CRB1: variants seen among roughly 807,000 people sequenced by gnomAD.
CRB1 encodes the protein crumbs cell polarity complex component 1.
Under a neutral mutation model 120.0 loss-of-function variants are expected in CRB1, and 83 were observed. That is an observed-to-expected ratio of 0.69 (90% CI 0.58 to 0.83). The LOEUF (loss-of-function observed/expected upper bound fraction) is 0.83. Ranked by LOEUF, CRB1 falls within the 40% of genes least tolerant of loss-of-function variation. The pLI is 0.00. For missense variants in CRB1, 1,699 were observed against 1,687.6 expected (o/e 1.01, Z -0.12); for synonymous variants, 625 against 612.5 (o/e 1.02, Z -0.30).
At chr1:197,244,520 A>G in the CRB1 span, among the ~76,000 whole-genome samples, 7 of 152,022 alleles carry the variant, frequency 4.6e-5, no homozygotes, top group African/African-American at 1.7e-4. Context: ...CTGATGAGAA[A>G]TTCTCTGTCA....
At chr1:197,339,348 T>A (rs1373347694) in intron 2 of CRB1, among the ~76,000 whole-genome samples, 1 of 152,196 alleles carries the variant, frequency 6.6e-6, no homozygotes, top group Non-Finnish European at 1.5e-5. Flanking sequence ...AATGCTACAG[T>A]TCCACATTGC....
the CRB1 span, among the ~76,000 whole-genome samples, chr1:197,203,950 C>T: frequency 6.6e-6 from 1 of 152,040 alleles, no homozygotes; most frequent in Non-Finnish European, 1.5e-5. Flanking sequence ...CACCCCCCTC[C>T]CACCCTTTCC....
chr1:197,321,314 G>T (rs1658182765), intron 1 of CRB1, among the ~76,000 whole-genome samples: 1 of 152,230 alleles, frequency 6.6e-6, no homozygotes, highest in South Asian at 2.1e-4. Flanking sequence ...TAGTTGTTGT[G>T]CTCATTGCCA....
chr1:197,477,629 T>C, intron 11 of CRB1, 35 bp from the exon 12 acceptor site: 5 of 1,594,138 alleles, frequency 3.1e-6, no homozygotes, highest in Non-Finnish European at 4.3e-6. Flanking sequence ...GCCTTTGCTA[T>C]AGAATTCGCA....
At chr1:197,215,275 ATTTTT>A in the CRB1 span, among the ~76,000 whole-genome samples, 2 of 131,056 alleles carry the variant, frequency 1.5e-5, no homozygotes, top group Non-Finnish European at 1.6e-5. Flanking sequence ...CCAGTGGGAG[ATTTTT>A]TTTTTTTTTT....
At chr1:197,203,794 C>A in the CRB1 span, among the ~76,000 whole-genome samples, 1 of 152,124 alleles carries the variant, frequency 6.6e-6, no homozygotes, top group South Asian at 2.1e-4. Context: ...GGATTAATTA[C>A]TTTTGACTTT....
At chr1:197,256,946 TG>T in the CRB1 span, among the ~76,000 whole-genome samples, 1 of 151,484 alleles carries the variant, frequency 6.6e-6, no homozygotes, top group South Asian at 2.1e-4. Flanking sequence ...TGTGTGTGTG[TG>T]TGTGTGTGTG....
the CRB1 span, among the ~76,000 whole-genome samples, chr1:197,231,296 C>A: frequency 6.6e-6 from 1 of 152,116 alleles, no homozygotes; most frequent in Non-Finnish European, 1.5e-5. Flanking sequence ...GGACTACCCC[C>A]CTCATCATCT....
chr1:197,406,438 C>A (rs1016487922), intron 5 of CRB1, among the ~76,000 whole-genome samples: 1 of 152,172 alleles, frequency 6.6e-6, no homozygotes, highest in Non-Finnish European at 1.5e-5. Context: ...ACAGACACTG[C>A]GGAGGGCCGC....
intron 11 of CRB1, among the ~76,000 whole-genome samples, chr1:197,458,835 C>G (rs1365851411): frequency 6.6e-6 from 1 of 152,084 alleles, no homozygotes; most frequent in Admixed American, 6.6e-5. Context: ...AAAGAAACTA[C>G]AAAACATCCT....
At chr1:197,405,714 C>T (rs1480434613) in intron 5 of CRB1, among the ~76,000 whole-genome samples, 1 of 151,834 alleles carries the variant, frequency 6.6e-6, no homozygotes, top group Non-Finnish European at 1.5e-5. Flanking sequence ...TGAGGAGCGT[C>T]TCTGCCCAGC....
intron 2 of CRB1, among the ~76,000 whole-genome samples, chr1:197,338,119 A>G (rs1429935874): frequency 1.3e-5 from 2 of 152,084 alleles, no homozygotes; most frequent in Non-Finnish European, 2.9e-5. Flanking sequence ...TTTTTCAAAC[A>G]TAGCATCTTG....
chr1:197,448,965 T>C (rs1665828630), intron 11 of CRB1, among the ~76,000 whole-genome samples: 1 of 152,208 alleles, frequency 6.6e-6, no homozygotes, highest in Non-Finnish European at 1.5e-5. Context: ...TTTAATATTT[T>C]TATTTTAATG....
intron 5 of CRB1, among the ~76,000 whole-genome samples, chr1:197,380,022 T>C (rs773649645): frequency 2.6e-5 from 4 of 152,230 alleles, no homozygotes; most frequent in African/African-American, 4.8e-5. Flanking sequence ...TCTCACTTTG[T>C]GATTTAAATG....
At chr1:197,267,420 A>G (rs1571734586), upstream of CRB1, among the ~76,000 whole-genome samples, 1 of 152,196 alleles carries the variant, frequency 6.6e-6, no homozygotes, top group Admixed American at 6.5e-5. Flanking sequence ...GGCAGAAAAT[A>G]TAAAGACTTC....
At chr1:197,329,520 T>C (rs1658729951) in intron 2 of CRB1, among the ~76,000 whole-genome samples, 1 of 152,252 alleles carries the variant, frequency 6.6e-6, no homozygotes, top group Admixed American at 6.5e-5. Context: ...TTTTACGTCT[T>C]AGAGCAAACA....
chr1:197,286,965 T>G (rs1383696532), intron 1 of CRB1, among the ~76,000 whole-genome samples: 1 of 151,928 alleles, frequency 6.6e-6, no homozygotes, highest in Non-Finnish European at 1.5e-5. Context: ...GAATTAGACA[T>G]TTATGAAAAA....
chr1:197,286,127 G>A (rs923498620), intron 1 of CRB1, among the ~76,000 whole-genome samples: 2 of 151,766 alleles, frequency 1.3e-5, no homozygotes, highest in Non-Finnish European at 2.9e-5. Flanking sequence ...TGGTGCTCCA[G>A]GACTGGGCAA....
chr1:197,242,515 C>T, the CRB1 span, among the ~76,000 whole-genome samples: 1 of 152,140 alleles, frequency 6.6e-6, no homozygotes, highest in Non-Finnish European at 1.5e-5. Context: ...TCTTGCATCC[C>T]AGGGATGAAG....
Sources: gnomAD v4.1 joint callset for allele counts (sites outside exome capture counted in the v4.1 genomes callset) on GRCh38, gnomAD v4.1.1 for gene constraint, MANE v1.5 for transcripts, NCBI Gene and HGNC (gene_info 2026-07-23, HGNC 2026-07-21) for gene names.